Variants in EGLN3 observed in about 807,000 individuals in gnomAD.
EGLN3 encodes prolyl hydroxylase EGLN3.
EGLN3 carries 15 observed loss-of-function variants against 26.0 expected under a neutral mutation model. That is an observed-to-expected ratio of 0.58 (90% CI 0.39 to 0.89). The LOEUF (loss-of-function observed/expected upper bound fraction) is 0.89. Ranked by LOEUF, EGLN3 falls within the 40% of genes least tolerant of loss-of-function variation. EGLN3 has a pLI of 0.00. For missense variants in EGLN3, 238 were observed against 311.6 expected (o/e 0.76, Z 1.78); for synonymous variants, 147 against 127.2 (o/e 1.16, Z -1.05).
At chr14:33,928,138 A>C (rs890478447) in intron 3 of EGLN3, among the ~76,000 whole-genome samples, 2 of 152,172 alleles carry the variant, frequency 1.3e-5, no homozygotes, top group Admixed American at 6.5e-5. Context: ...GTTTAGTTAC[A>C]TACCCCATAA....
intron 1 of EGLN3, among the ~76,000 whole-genome samples, chr14:33,944,909 G>C (rs1418409001): frequency 6.6e-6 from 1 of 152,114 alleles, no homozygotes; most frequent in African/African-American, 2.4e-5. Context: ...GTGGCCAGTG[G>C]CCCAAAATTG....
chr14:33,928,470 A>T (rs1302659678), intron 3 of EGLN3, among the ~76,000 whole-genome samples: 1 of 152,216 alleles, frequency 6.6e-6, no homozygotes, highest in Non-Finnish European at 1.5e-5. Flanking sequence ...GATTGTCTAG[A>T]TTGGTCCTAA....
rs757593846 is a variant in EGLN3 at position 33,950,479 on chromosome 14, T to C, written c.274A>G (p.Ser92Gly). The C allele has an allele frequency of 1.2e-6, 2 of 1,613,712 alleles. No homozygotes were observed. Among genetic ancestry groups the C allele is most frequent in the South Asian group, 2.2e-5 (2 of 91,076 alleles). Residue 92 changes from serine to glycine, a missense_variant, in exon 1 of 5, where the codon AGC becomes GGC. Coordinates refer to ENST00000250457, the MANE Select transcript of EGLN3 (RefSeq NM_022073.4). ...CTGTCGATGAGGGACAGGAGGAAGC[T>C]GATGGCCTCGCAGCCCTCCTCGTTG... ...GGNEEGCEAISFLLSLIDRLV... is the reference protein window; with the variant it reads ...GGNEEGCEAIGFLLSLIDRLV...
intron 1 of EGLN3, among the ~76,000 whole-genome samples, chr14:33,933,378 T>G (rs958809097): frequency 5.3e-5 from 8 of 149,776 alleles, no homozygotes; most frequent in African/African-American, 1.7e-4. Flanking sequence ...GCCGCATCTA[T>G]AAAACACACA....
intron 2 of EGLN3, 56 bp downstream of exon 2, chr14:33,931,040 G>A (rs2064399363): frequency 1.2e-6 from 2 of 1,604,578 alleles, no homozygotes; most frequent in Non-Finnish European, 1.7e-6. Context: ...TAAGTTATCT[G>A]AATCATTTTC....
intron 1 of EGLN3, among the ~76,000 whole-genome samples, chr14:33,934,853 T>C (rs568447333): frequency 1.5e-3 from 226 of 152,368 alleles, no homozygotes; most frequent in African/African-American, 5.2e-3. Flanking sequence ...CAAATTAAAG[T>C]ACTAATTAGA....
At chr14:33,936,318 T>G (rs1187230591) in intron 1 of EGLN3, among the ~76,000 whole-genome samples, 1 of 152,176 alleles carries the variant, frequency 6.6e-6, no homozygotes, top group Non-Finnish European at 1.5e-5. Flanking sequence ...AAGCAACTCA[T>G]CACAATGTAG....
In EGLN3 at chr14:33,940,335, T is replaced by C. The variant is rs111534475; in HGVS notation, c.358-9120A>G. On this transcript the variant is annotated intron_variant, in intron 1 of 4. Coordinates refer to ENST00000250457, the MANE Select transcript of EGLN3 (RefSeq NM_022073.4). ...AATTCTAGTTCTGGAAAATTAAATATGCTGGTACAAATAATAGGCTATAAA... is the reference window on the plus strand; with the variant it reads ...AATTCTAGTTCTGGAAAATTAAATACGCTGGTACAAATAATAGGCTATAAA... Among the ~76,000 whole-genome samples, 438 of 152,248 alleles carry C rather than the reference T, an allele frequency of 2.9e-3. 2 individuals carry two copies. Among genetic ancestry groups the C allele is most frequent in the African/African-American group, 9.8e-3 (409 of 41,548 alleles).
intron 1 of EGLN3, among the ~76,000 whole-genome samples, chr14:33,934,714 T>G (rs1680697): frequency 0.91 from 138,041 of 152,242 alleles, 62,964 homozygotes; most frequent in Non-Finnish European, 0.95. Context: ...ACTTCTCTGC[T>G]AACAGTTGCA....
At chr14:33,947,491 T>C (rs2064526165) in intron 1 of EGLN3, among the ~76,000 whole-genome samples, 1 of 152,222 alleles carries the variant, frequency 6.6e-6, no homozygotes, top group Admixed American at 6.5e-5. Flanking sequence ...CTTTCTGTTT[T>C]ACTCCCAATA....
In EGLN3 at chr14:33,935,825, A is replaced by G. The variant is rs182215805; in HGVS notation, c.358-4610T>C. ...CAATTGCATCCTGACACCTCGCTCC[A>G]TCAAGTCCTTCCCCCATGTCCACCC... is the stretch of plus-strand genomic sequence containing the variant. On this transcript the variant is annotated intron_variant, in intron 1 of 4. Coordinates refer to ENST00000250457, the MANE Select transcript of EGLN3 (RefSeq NM_022073.4). Among the ~76,000 whole-genome samples the G allele has an allele frequency of 5.9e-5, 9 of 152,170 alleles. No individual in the cohort carries two copies. The East Asian group carries it at 1.4e-3, about 23-fold the overall frequency.
At position 33,925,594 on chromosome 14, in the gene EGLN3, A is replaced by C; in HGVS notation, c.*297T>G. ...AGGTTCATTCCCTCGCTGTGCTCCT[A>C]GGCTCTTCTCTTGATAGTATTACCG... On this transcript the variant is annotated 3_prime_UTR_variant, in exon 5 of 5. Transcript: ENST00000250457. 1 of 382,872 alleles carries C rather than the reference A, an allele frequency of 2.6e-6. No individual in the cohort carries two copies. Among genetic ancestry groups the C allele is most frequent in the South Asian group, 3.7e-5 (1 of 27,342 alleles). 23.7% of individuals were successfully genotyped at this position (382,872 alleles called of 1,614,324 possible). A position where few individuals can be genotyped will look rare whatever the true frequency, so the allele number is the denominator to read the frequency against.
In EGLN3 at chr14:33,924,668, T is replaced by C. The variant is rs762037319; in HGVS notation, c.*1223A>G. 1.3e-5 allele frequency: 2 copies of C among 152,080 alleles called. No homozygotes were observed. The highest frequency in any genetic ancestry group is 2.9e-5 in the Non-Finnish European group (2 of 68,028). The allele number at this position is 152,080 out of a possible 1,614,324, so 9.4% of individuals were successfully genotyped here. ...AATACTGAAAACTAGGAAAAGTAGC[T>C]TTTGCAAAATACGTGCTCAATACCA... On this transcript the variant is annotated 3_prime_UTR_variant, in exon 5 of 5. Coordinates refer to ENST00000250457, the MANE Select transcript of EGLN3 (RefSeq NM_022073.4).
At chr14:33,944,820 G>A (rs2064506977) in intron 1 of EGLN3, among the ~76,000 whole-genome samples, 1 of 152,222 alleles carries the variant, frequency 6.6e-6, no homozygotes, top group Non-Finnish European at 1.5e-5. Context: ...ACAGTGTGCA[G>A]CACTGAGTGA....
intron 1 of EGLN3, among the ~76,000 whole-genome samples, chr14:33,946,245 G>T (rs934131089): frequency 6.6e-6 from 1 of 152,082 alleles, no homozygotes. Flanking sequence ...GCATGGTGGC[G>T]CACGCCTGTA....
chr14:33,934,578 C>T (rs2064427490), intron 1 of EGLN3, among the ~76,000 whole-genome samples: 1 of 152,048 alleles, frequency 6.6e-6, no homozygotes, highest in Non-Finnish European at 1.5e-5. Context: ...CCATCAACCG[C>T]AGCTTGACTG....
intron 3 of EGLN3, 46 bp from the exon 4 acceptor site, chr14:33,927,079 C>T (rs750123437): frequency 7.2e-7 from 1 of 1,388,212 alleles, no homozygotes; most frequent in South Asian, 1.6e-5. Flanking sequence ...AATGGTACTA[C>T]TAGAAACACA....
At chr14:33,927,563 G>T (rs1197518481) in intron 3 of EGLN3, among the ~76,000 whole-genome samples, 3 of 152,068 alleles carry the variant, frequency 2.0e-5, no homozygotes, top group Non-Finnish European at 4.4e-5. Context: ...AATTATCTTG[G>T]GCATTAGGAA....
intron 2 of EGLN3, among the ~76,000 whole-genome samples, chr14:33,929,788 G>A (rs181818252): frequency 2.6e-5 from 4 of 152,122 alleles, no homozygotes; most frequent in South Asian, 2.1e-4. Context: ...GAATCATACC[G>A]ATTTGCCAAT....
Sources: allele counts gnomAD v4.1 joint callset (sites outside exome capture counted in the v4.1 genomes callset), GRCh38; gene constraint gnomAD v4.1.1; transcripts MANE v1.5; gene names NCBI Gene and HGNC (gene_info 2026-07-23, HGNC 2026-07-21).